The following RBMS3 variants were observed in gnomAD, a reference collection of about 807,000 sequenced individuals.
RBMS3 encodes RNA binding motif single stranded interacting protein 3, also known as RNA-binding motif, single-stranded-interacting protein 3.
RBMS3 carries 27 observed loss-of-function variants against 66.8 expected under a neutral mutation model. The observed-to-expected ratio is 0.40, with a 90% CI of 0.30 to 0.56. RBMS3 has a LOEUF of 0.56. Among genes scored for constraint, RBMS3 ranks in the 20% least tolerant of loss-of-function variants. The pLI, the probability that RBMS3 is intolerant of heterozygous loss-of-function variation, is 0.40. For synonymous variants in RBMS3, 188 were observed against 183.0 expected, an observed-to-expected ratio of 1.03 and a Z score of -0.22; for missense variants, 513 against 549.5, an observed-to-expected ratio of 0.93 and a Z score of 0.66.
intron 1 of RBMS3, among the ~76,000 whole-genome samples, chr3:29,291,870 C>T (rs62241678): frequency 0.23 from 34,313 of 151,536 alleles, 3,993 homozygotes; most frequent in Middle Eastern, 0.35. Context: ...CCTGAAGATA[C>T]TGCTACTCCA....
chr3:29,468,820 A>C (rs1446759410), intron 2 of RBMS3, among the ~76,000 whole-genome samples: 3 of 152,120 alleles, frequency 2.0e-5, no homozygotes, highest in Non-Finnish European at 4.4e-5. Flanking sequence ...AGCTACCTGA[A>C]ATTAACAAAA....
chr3:29,469,220 G>A (rs994194272), intron 2 of RBMS3, among the ~76,000 whole-genome samples: 2 of 152,036 alleles, frequency 1.3e-5, no homozygotes, highest in African/African-American at 4.8e-5. Context: ...CTCATAGTAT[G>A]GGAAATATTA....
At chr3:29,320,863 A>C (rs1429025466) in intron 1 of RBMS3, among the ~76,000 whole-genome samples, 1 of 152,058 alleles carries the variant, frequency 6.6e-6, no homozygotes, top group East Asian at 1.9e-4. Flanking sequence ...TATTTAAAAG[A>C]ATAAACTTTG....
intron 6 of RBMS3, among the ~76,000 whole-genome samples, chr3:29,773,201 C>T (rs2056283611): frequency 6.6e-6 from 1 of 151,986 alleles, no homozygotes; most frequent in Non-Finnish European, 1.5e-5. Context: ...CACACCCCTA[C>T]TCATTGTCCC....
chr3:29,393,179 A>G (rs1264997259), intron 1 of RBMS3, among the ~76,000 whole-genome samples: 6 of 152,204 alleles, frequency 3.9e-5, no homozygotes, highest in African/African-American at 1.4e-4. Context: ...TGACAGATAT[A>G]GCCCATCTCT....
chr3:29,734,903 T>C (rs901322127), intron 4 of RBMS3, among the ~76,000 whole-genome samples: 5 of 152,120 alleles, frequency 3.3e-5, no homozygotes, highest in Admixed American at 3.3e-4. Flanking sequence ...CCATGGCATA[T>C]TGGAAATAAA....
At position 29,635,144 on chromosome 3, in the gene RBMS3, A is replaced by G. The variant is rs117446974; in HGVS notation, c.399+47939A>G. On this transcript the variant is annotated intron_variant, in intron 4 of 14. Coordinates refer to ENST00000383767, the MANE Select transcript of RBMS3 (RefSeq NM_001003793.3). ...TAATGCCATTCAGTTTTATGGCTTTATATATTATATATATGCCACAGACTC... is the reference window on the plus strand; with the variant it reads ...TAATGCCATTCAGTTTTATGGCTTTGTATATTATATATATGCCACAGACTC... Among the ~76,000 whole-genome samples the G allele has an allele frequency of 7.1e-3, 1,074 of 152,014 alleles. 28 individuals are homozygous for G. The highest frequency in any genetic ancestry group is 0.057 in the Admixed American group (869 of 15,222).
intron 4 of RBMS3, among the ~76,000 whole-genome samples, chr3:29,674,176 A>G (rs2051132872): frequency 6.6e-6 from 1 of 152,244 alleles, no homozygotes; most frequent in Non-Finnish European, 1.5e-5. Flanking sequence ...CAATAGATGC[A>G]GAAAAGGCCT....
chr3:29,361,143 C>A (rs2125581366), intron 1 of RBMS3, among the ~76,000 whole-genome samples: 1 of 152,156 alleles, frequency 6.6e-6, no homozygotes, highest in Non-Finnish European at 1.5e-5. Flanking sequence ...TTCCTAGCAT[C>A]AATAGTCTTT....
intron 2 of RBMS3, among the ~76,000 whole-genome samples, chr3:29,446,281 CACTT>C (rs1026171054): frequency 2.0e-4 from 30 of 152,118 alleles, no homozygotes; most frequent in Admixed American, 5.2e-4. Context: ...TATTGTTACT[CACTT>C]ATGCAATCAA....
chr3:29,710,496 C>T (rs1369451313), intron 4 of RBMS3, among the ~76,000 whole-genome samples: 1 of 152,158 alleles, frequency 6.6e-6, no homozygotes, highest in Non-Finnish European at 1.5e-5. Context: ...AAAGGTCACA[C>T]AGCTACACAG....
intron 1 of RBMS3, among the ~76,000 whole-genome samples, chr3:29,424,207 C>A (rs1312916808): frequency 6.6e-6 from 1 of 152,064 alleles, no homozygotes; most frequent in African/African-American, 2.4e-5. Flanking sequence ...TTAGGTGATC[C>A]TTGAGGAATA....
At chr3:29,473,494 C>T (rs908909223) in intron 2 of RBMS3, among the ~76,000 whole-genome samples, 1 of 152,220 alleles carries the variant, frequency 6.6e-6, no homozygotes, top group Non-Finnish European at 1.5e-5. Context: ...CAGTCCCGCG[C>T]CGTGCGCCTG....
intron 3 of RBMS3, among the ~76,000 whole-genome samples, chr3:29,575,568 T>G (rs1291801480): frequency 6.6e-6 from 1 of 152,150 alleles, no homozygotes; most frequent in Non-Finnish European, 1.5e-5. Flanking sequence ...TTCTCTGATA[T>G]TGTCCCTTTG....
intron 6 of RBMS3, among the ~76,000 whole-genome samples, chr3:29,836,658 A>G (rs1476308094): frequency 3.3e-5 from 5 of 151,942 alleles, no homozygotes; most frequent in Non-Finnish European, 5.9e-5. Context: ...GTTGATAATA[A>G]TATATTGGAT....
intron 1 of RBMS3, among the ~76,000 whole-genome samples, chr3:29,412,683 G>A (rs557331500): frequency 6.6e-6 from 1 of 152,282 alleles, no homozygotes; most frequent in African/African-American, 2.4e-5. Flanking sequence ...TCAGAAGTGT[G>A]GCTGGCTGCG....
intron 14 of RBMS3, among the ~76,000 whole-genome samples, chr3:29,994,496 G>A (rs1247418574): frequency 6.6e-6 from 1 of 152,232 alleles, no homozygotes; most frequent in African/African-American, 2.4e-5. Flanking sequence ...CAAACAAAAA[G>A]ACAGCAGTAA....
At chr3:29,471,867 G>C (rs2042740361) in intron 2 of RBMS3, among the ~76,000 whole-genome samples, 1 of 151,246 alleles carries the variant, frequency 6.6e-6, no homozygotes, top group Non-Finnish European at 1.5e-5. Context: ...TCTTTATTCA[G>C]CTTGTGTCAG....
intron 6 of RBMS3, among the ~76,000 whole-genome samples, chr3:29,798,724 A>C (rs1329100128): frequency 6.6e-6 from 1 of 152,162 alleles, no homozygotes; most frequent in African/African-American, 2.4e-5. Flanking sequence ...TTTGAAACTA[A>C]GCTGACCAGA....
Sources: allele counts gnomAD v4.1 joint callset (sites outside exome capture counted in the v4.1 genomes callset), GRCh38; gene constraint gnomAD v4.1.1; transcripts MANE v1.5; gene names NCBI Gene and HGNC (gene_info 2026-07-23, HGNC 2026-07-21).